The following HHAT variants were observed in gnomAD, a reference collection of about 807,000 sequenced individuals.
HHAT encodes protein-cysteine N-palmitoyltransferase HHAT.
In HHAT, 47 loss-of-function variants were observed where a neutral mutation model predicts 70.8. The observed-to-expected ratio is 0.66, with a 90% CI of 0.53 to 0.85. HHAT has a LOEUF of 0.85. Among genes scored for constraint, HHAT ranks in the 40% least tolerant of loss-of-function variants. HHAT has a pLI of 0.00. For synonymous variants in HHAT, 228 were observed against 247.6 expected, an observed-to-expected ratio of 0.92 and a Z score of 0.74; for missense variants, 609 against 604.8, an observed-to-expected ratio of 1.01 and a Z score of -0.07.
chr1:210,401,026 T>G (rs4844527), intron 5 of HHAT, among the ~76,000 whole-genome samples: 1 of 152,096 alleles, frequency 6.6e-6, no homozygotes, highest in Non-Finnish European at 1.5e-5. Context: ...TTATAGGGAA[T>G]GCACACATCA....
At chr1:210,631,298 C>G (rs1670819068) in intron 11 of HHAT, 1 of 359,616 alleles carries the variant, frequency 2.8e-6, no homozygotes, top group African/African-American at 2.1e-5. Context: ...CTATCAGAGA[C>G]AGTCTAAAGT....
At chr1:210,460,108 A>G (rs2093949487) in intron 7 of HHAT, among the ~76,000 whole-genome samples, 1 of 152,192 alleles carries the variant, frequency 6.6e-6, no homozygotes, top group Non-Finnish European at 1.5e-5. Context: ...ATAGTGTTCA[A>G]AGATTGAGCA....
At chr1:210,553,905 G>A (rs563925113) in intron 9 of HHAT, among the ~76,000 whole-genome samples, 1 of 152,106 alleles carries the variant, frequency 6.6e-6, no homozygotes, top group Non-Finnish European at 1.5e-5. Flanking sequence ...CCTGCCTGGG[G>A]CTGACATATT....
At chr1:210,386,426 G>C (rs12737992) in intron 3 of HHAT, among the ~76,000 whole-genome samples, 1 of 150,482 alleles carries the variant, frequency 6.6e-6, no homozygotes, top group Non-Finnish European at 1.5e-5. Context: ...TTTTAGTAGA[G>C]ACGGGGTTTC....
At chr1:210,628,930 G>A (rs1414108415) in intron 11 of HHAT, among the ~76,000 whole-genome samples, 1 of 152,226 alleles carries the variant, frequency 6.6e-6, no homozygotes, top group Non-Finnish European at 1.5e-5. Context: ...CGGTGTCTCA[G>A]AGGCCATCCT....
At chr1:210,665,284 C>T (rs17260592) in intron 11 of HHAT, among the ~76,000 whole-genome samples, 2,605 of 152,302 alleles carry the variant, frequency 0.017, 34 homozygotes, top group Middle Eastern at 0.031. Flanking sequence ...CATTTGCAGA[C>T]GTAGGCTTTG....
At chr1:210,473,309 G>C (rs1412958467) in intron 8 of HHAT, among the ~76,000 whole-genome samples, 1 of 152,154 alleles carries the variant, frequency 6.6e-6, no homozygotes, top group Non-Finnish European at 1.5e-5. Flanking sequence ...GTTAATGCTG[G>C]TCACTTGTGC....
chr1:210,535,456 G>GTGTGTGTGTGTGTGT (rs1394781594), intron 9 of HHAT, among the ~76,000 whole-genome samples: 15 of 140,228 alleles, frequency 1.1e-4, no homozygotes, highest in African/African-American at 3.8e-4. Flanking sequence ...TGTGTGTGTG[G>GTGTGTGTGTGTGTGT]GGTAAAATAA....
chr1:210,576,028 G>A (rs1657654784), intron 9 of HHAT, among the ~76,000 whole-genome samples: 2 of 152,272 alleles, frequency 1.3e-5, no homozygotes, highest in African/African-American at 4.8e-5. Flanking sequence ...TCTGCAGCCA[G>A]TGTTAGGTGT....
chr1:210,348,102 T>C (rs1173998539), intron 1 of HHAT, among the ~76,000 whole-genome samples: 9 of 152,270 alleles, frequency 5.9e-5, no homozygotes, highest in Middle Eastern at 6.8e-3. Context: ...AGATGAGGCC[T>C]GGCACAGTGG....
chr1:210,587,032 G>A (rs991810331), intron 9 of HHAT, among the ~76,000 whole-genome samples: 72 of 152,148 alleles, frequency 4.7e-4, no homozygotes, highest in African/African-American at 1.6e-3. Flanking sequence ...CTGGGGAACC[G>A]TCTCTGGCAC....
chr1:210,393,814 A>T (rs2091605903), intron 4 of HHAT, among the ~76,000 whole-genome samples: 1 of 152,164 alleles, frequency 6.6e-6, no homozygotes, highest in Non-Finnish European at 1.5e-5. Context: ...TTTGTGAGAC[A>T]GCTGGTGGGC....
intron 1 of HHAT, among the ~76,000 whole-genome samples, chr1:210,332,454 TA>T (rs1184713672): frequency 6.6e-6 from 1 of 152,260 alleles, no homozygotes; most frequent in African/African-American, 2.4e-5. Context: ...AGTGACTCAT[TA>T]ATCCTCTCTA....
intron 6 of HHAT, among the ~76,000 whole-genome samples, chr1:210,414,278 T>C (rs1452652425): frequency 6.6e-6 from 1 of 152,180 alleles, no homozygotes; most frequent in African/African-American, 2.4e-5. Flanking sequence ...TAATCACTTC[T>C]CAAAGGCCCC....
chr1:210,515,715 G>A (rs532174520), intron 9 of HHAT, among the ~76,000 whole-genome samples: 12 of 136,384 alleles, frequency 8.8e-5, no homozygotes, highest in African/African-American at 2.8e-4. Context: ...CTGAGATTGC[G>A]CCACTGCACT....
At chr1:210,537,569 G>C (rs771373927) in intron 9 of HHAT, among the ~76,000 whole-genome samples, 2 of 152,214 alleles carry the variant, frequency 1.3e-5, no homozygotes, top group Non-Finnish European at 2.9e-5. Context: ...GTCAGCTGCA[G>C]TAGGTGAAAA....
At chr1:210,367,914 C>A (rs1051872473) in intron 3 of HHAT, among the ~76,000 whole-genome samples, 1 of 129,348 alleles carries the variant, frequency 7.7e-6, no homozygotes, top group Non-Finnish European at 1.6e-5. Flanking sequence ...CCCTCCCCCA[C>A]CCCCCACCCC....
chr1:210,464,163 TATC>T (rs1460642695), intron 7 of HHAT, among the ~76,000 whole-genome samples: 4 of 152,270 alleles, frequency 2.6e-5, no homozygotes, highest in East Asian at 3.9e-4. Flanking sequence ...TTGTACCCAT[TATC>T]ATGTAGGTTT....
intron 1 of HHAT, among the ~76,000 whole-genome samples, chr1:210,329,969 A>AT (rs1446957099): frequency 1.3e-5 from 2 of 152,142 alleles, no homozygotes; most frequent in Non-Finnish European, 2.9e-5. Context: ...CTGGTCTCGA[A>AT]TTCCTGACCT....
Sources: gnomAD v4.1 joint callset for allele counts (sites outside exome capture counted in the v4.1 genomes callset) on GRCh38, gnomAD v4.1.1 for gene constraint, MANE v1.5 for transcripts, NCBI Gene and HGNC (gene_info 2026-07-23, HGNC 2026-07-21) for gene names.